Variants in TRIP11 observed in about 807,000 individuals in gnomAD.
The protein encoded by TRIP11 is thyroid hormone receptor interactor 11, also known as thyroid receptor-interacting protein 11.
Under a neutral mutation model 223.1 loss-of-function variants are expected in TRIP11, and 148 were observed. The observed-to-expected ratio is 0.66, with a 90% CI of 0.58 to 0.76. The LOEUF is 0.76. TRIP11 is among the 30% of genes least tolerant of loss of function. The pLI is 0.00. For missense variants in TRIP11, 2,043 were observed against 2,222.0 expected (o/e 0.92, Z 1.62); for synonymous variants, 762 against 772.6 (o/e 0.99, Z 0.23).
intron 1 of TRIP11, among the ~76,000 whole-genome samples, chr14:92,034,661 CT>C (rs970629733): frequency 2.6e-5 from 4 of 152,064 alleles, no homozygotes; most frequent in Admixed American, 6.5e-5. Flanking sequence ...TTTTAATTTT[CT>C]TGGAAAGGGT....
rs555250643 is a variant in TRIP11 at position 92,004,134 on chromosome 14, A to G, written c.3842T>C (p.Leu1281Pro). The G allele has an allele frequency of 6.2e-7, 1 of 1,614,168 alleles. No homozygotes were observed. The highest frequency in any genetic ancestry group is 1.1e-5 in the South Asian group (1 of 91,070). The change falls in exon 11 of 21, where the codon CTC becomes CCC. Residue 1281 changes from leucine (L) to proline (P), a missense_variant. By Grantham distance (98) the Leu-to-Pro change is moderately conservative (BLOSUM62 -3). Transcript: ENST00000267622. ...TGCTAATTCCTGCCCAAAATTTTTGAGTTTGGTTTCATTCTGCTCATAACT... is the reference window on the plus strand; with the variant it reads ...TGCTAATTCCTGCCCAAAATTTTTGGGTTTGGTTTCATTCTGCTCATAACT... Reference protein sequence around the residue: ...IQSYEQNETKLKNFGQELAQV... With the variant: ...IQSYEQNETKPKNFGQELAQV...
intron 9 of TRIP11, 85 bp downstream of exon 9, chr14:92,010,901 C>A: frequency 8.0e-7 from 1 of 1,248,126 alleles, no homozygotes; most frequent in Admixed American, 1.7e-5. Context: ...AATTACTCAA[C>A]ATTCCATTTG....
At chr14:92,019,153 T>C (rs181386535) in intron 4 of TRIP11, among the ~76,000 whole-genome samples, 8 of 152,236 alleles carry the variant, frequency 5.3e-5, no homozygotes, top group African/African-American at 1.7e-4. Context: ...GTCCCAATTA[T>C]GCCTTTTTCA....
intron 15 of TRIP11, among the ~76,000 whole-genome samples, chr14:91,990,256 AAAC>A (rs1385043941): frequency 6.6e-6 from 1 of 152,204 alleles, no homozygotes; most frequent in African/African-American, 2.4e-5. Context: ...AAGGAAATGT[AAAC>A]TTTCAAATGA....
Position 92,003,545 on chromosome 14 carries a change from T to C in TRIP11, c.4431A>G (p.Thr1477=). 1 of 1,614,168 alleles carries C rather than the reference T, an allele frequency of 6.2e-7. No individual in the cohort carries two copies. The highest frequency in any genetic ancestry group is 8.5e-7 in the Non-Finnish European group (1 of 1,180,014). The change falls in exon 11 of 21, where the codon ACA becomes ACG. Residue 1477 remains threonine (T), a synonymous_variant. Transcript: ENST00000267622. ...TAGTCTCTTGTAACGCTTGATATTC[T>C]GTTTCCTTTCCCCTGTATGTTTCCA... ...KIVETYRGKE[T]EYQALQETNM... is the part of the protein sequence containing the mutation.
chr14:92,001,260 A>C (rs1044007615), intron 11 of TRIP11, among the ~76,000 whole-genome samples: 2 of 152,152 alleles, frequency 1.3e-5, no homozygotes, highest in African/African-American at 2.4e-5. Context: ...CACTTCTTTA[A>C]GAATATGTAA....
chr14:92,005,356 C>T lies in TRIP11; in HGVS notation c.2620G>A (p.Glu874Lys), dbSNP rs766634906. ...HLQEELERLR[E>K]EQSRTAPVAD... ...ACAGGTGCGGTTCGACTCTGCTCTT[C>T]CCTGAGTCGTTCCAATTCTTCTTGC... Residue 874 changes from glutamate to lysine, a missense_variant, in exon 11 of 21, where the codon GAA becomes AAA. Physicochemically the swap from Glu to Lys is moderately conservative, Grantham distance 56. Transcript: ENST00000267622. 4 of 1,614,188 alleles carry T rather than the reference C, an allele frequency of 2.5e-6. No homozygotes were observed.
At chr14:91,974,800 A>C in intron 18 of TRIP11, 57 bp from the exon 19 acceptor site, 4 of 1,255,196 alleles carry the variant, frequency 3.2e-6, no homozygotes, top group South Asian at 1.3e-5. Context: ...AAAAAAAAAC[A>C]AGGACCACTT....
chr14:91,980,156 A>C (rs2056519588), intron 16 of TRIP11, among the ~76,000 whole-genome samples: 1 of 152,222 alleles, frequency 6.6e-6, no homozygotes, highest in African/African-American at 2.4e-5. Flanking sequence ...CATTTGGTTT[A>C]AAATAAAAAT....
At chr14:91,988,424 T>C (rs1038370053) in intron 15 of TRIP11, 41 bp from the exon 16 acceptor site, 19 of 1,550,584 alleles carry the variant, frequency 1.2e-5, no homozygotes, top group Non-Finnish European at 1.7e-5. Context: ...ATGCAAAAAT[T>C]ATTTCACAAA....
intron 2 of TRIP11, 41 bp from the exon 3 acceptor site, chr14:92,025,461 A>C (rs1162637027): frequency 1.4e-6 from 2 of 1,424,102 alleles, no homozygotes; most frequent in South Asian, 2.3e-5. Flanking sequence ...ACTGCAAGTA[A>C]AACATGTAAT....
chr14:92,009,996 T>C (rs2056951526), intron 9 of TRIP11, among the ~76,000 whole-genome samples: 1 of 152,216 alleles, frequency 6.6e-6, no homozygotes, highest in South Asian at 2.1e-4. Context: ...TCAGAAAATA[T>C]GCATCACTTT....
Position 92,017,707 on chromosome 14 carries a change from A to G in TRIP11, c.632T>C (p.Ile211Thr). The change falls in exon 5 of 21, where the codon ATA (isoleucine) becomes ACA (threonine). Residue 211 changes from isoleucine (I) to threonine (T), a missense_variant. Ile to Thr is a moderately conservative substitution (Grantham distance 89). Transcript: ENST00000267622. The part of the protein sequence containing the change: ...QGTDNSDQSE[I>T]CKLQNIIKEL... Reference sequence around the variant, plus strand: ...CTTAATGATATTTTGTAGTTTACATATTTCACTTTGATCAGAGTTATCTGT... The same window carrying G: ...CTTAATGATATTTTGTAGTTTACATGTTTCACTTTGATCAGAGTTATCTGT... 1 of 1,612,780 alleles carries G rather than the reference A, an allele frequency of 6.2e-7. No homozygotes were observed. The highest frequency in any genetic ancestry group is 1.1e-5 in the South Asian group (1 of 91,012).
chr14:92,026,483 G>C, intron 2 of TRIP11: 2 of 852,216 alleles, frequency 2.3e-6, no homozygotes, highest in South Asian at 2.7e-5. Context: ...CTTGCTCGCC[G>C]CAGCCGGCAG....
At chr14:92,027,954 A>G (rs1051203539) in intron 2 of TRIP11, among the ~76,000 whole-genome samples, 2 of 152,190 alleles carry the variant, frequency 1.3e-5, no homozygotes, top group African/African-American at 4.8e-5. Context: ...CACAGACCTT[A>G]ATTATCCTGA....
intron 20 of TRIP11, 28 bp from the exon 21 acceptor site, chr14:91,969,921 CCTAT>C: frequency 6.3e-7 from 1 of 1,595,970 alleles, no homozygotes; most frequent in Non-Finnish European, 8.6e-7. Flanking sequence ...GATTTAGTCT[CCTAT>C]CTTTCACAAA....
chr14:92,007,137 G>A (rs562594121), intron 10 of TRIP11, among the ~76,000 whole-genome samples: 30 of 151,362 alleles, frequency 2.0e-4, no homozygotes, highest in African/African-American at 7.3e-4. Flanking sequence ...GCAATTCTCT[G>A]CCTCAGCCTC....
intron 2 of TRIP11, chr14:92,026,628 G>A (rs1442571885): frequency 1.7e-6 from 2 of 1,204,524 alleles, no homozygotes; most frequent in East Asian, 2.3e-5. Flanking sequence ...AGGAGAAGAA[G>A]GAAGTTGTGG....
intron 4 of TRIP11, among the ~76,000 whole-genome samples, chr14:92,018,305 G>A (rs1364470802): frequency 6.6e-6 from 1 of 151,764 alleles, no homozygotes; most frequent in African/African-American, 2.4e-5. Flanking sequence ...TGCCCAGGCT[G>A]GTCTCGAGCT....
Sources: gnomAD v4.1 joint callset for allele counts (sites outside exome capture counted in the v4.1 genomes callset) on GRCh38, gnomAD v4.1.1 for gene constraint, MANE v1.5 for transcripts, NCBI Gene and HGNC (gene_info 2026-07-23, HGNC 2026-07-21) for gene names.